Variants in DOCK9 observed in about 807,000 individuals in gnomAD.
DOCK9 encodes the protein dedicator of cytokinesis 9.
Under a neutral mutation model 263.3 loss-of-function variants are expected in DOCK9, and 89 were observed. The ratio of observed to expected loss-of-function variants is 0.34; its 90% CI spans 0.28 to 0.40. The LOEUF (loss-of-function observed/expected upper bound fraction) is 0.40, where lower values mean the gene tolerates loss of function less well. Among genes scored for constraint, DOCK9 ranks in the 10% least tolerant of loss-of-function variants. The pLI is 1.00. For missense variants in DOCK9, 2,140 were observed against 2,603.4 expected, an observed-to-expected ratio of 0.82 and a Z score of 3.87; for synonymous variants, 976 against 973.1, an observed-to-expected ratio of 1.00 and a Z score of -0.06.
chr13:98,854,002 G>A lies in DOCK9; in HGVS notation c.3832-480C>T, dbSNP rs368076995. On this transcript the variant is annotated intron_variant, in intron 34 of 52. Coordinates refer to ENST00000682017, the MANE Select transcript of DOCK9 (RefSeq NM_001366683.2). The stretch of plus-strand genomic sequence containing the variant: ...GCACCCCAGAACCTGGAGCCCAGGC[G>A]CCATCACCCAGGGTGCATTATGGGG... Among the ~76,000 whole-genome samples, 133 of 152,264 alleles carry A rather than the reference G, an allele frequency of 8.7e-4. 1 individual carries two copies. The highest frequency in any genetic ancestry group is 5.4e-3 in the South Asian group (26 of 4,820).
chr13:98,943,171 C>A (rs1207304039), intron 2 of DOCK9, among the ~76,000 whole-genome samples: 1 of 152,264 alleles, frequency 6.6e-6, no homozygotes, highest in Non-Finnish European at 1.5e-5. Flanking sequence ...CCATCCAGAG[C>A]CTTACTTCAA....
intron 1 of DOCK9, among the ~76,000 whole-genome samples, chr13:99,051,403 C>T (rs149595861): frequency 5.9e-5 from 9 of 152,168 alleles, no homozygotes; most frequent in African/African-American, 1.9e-4. Context: ...ACTTCTTCAC[C>T]GAGGGCTTGG....
chr13:99,076,629 A>G (rs1174169737), intron 1 of DOCK9, among the ~76,000 whole-genome samples: 1 of 152,202 alleles, frequency 6.6e-6, no homozygotes, highest in Non-Finnish European at 1.5e-5. Context: ...TGGCAGCAGG[A>G]GGTAAACTGG....
At chr13:98,997,309 C>G (rs1881284489) in intron 1 of DOCK9, among the ~76,000 whole-genome samples, 1 of 152,222 alleles carries the variant, frequency 6.6e-6, no homozygotes, top group Non-Finnish European at 1.5e-5. Flanking sequence ...TCGCCCACCC[C>G]ACGCCCAGAG....
Position 99,056,553 on chromosome 13 carries a change from C to G in DOCK9, c.129+29670G>C, listed in dbSNP as rs117748554. On this transcript the variant is annotated intron_variant, in intron 1 of 32. Coordinates refer to the DOCK9 transcript ENST00000427887. ...CTTGGCTAAAAAACCAGCTCCCAGTCACCCAGAGCAAAGAAATGAGCAACC... is the reference window on the plus strand; with the variant it reads ...CTTGGCTAAAAAACCAGCTCCCAGTGACCCAGAGCAAAGAAATGAGCAACC... 5.3e-3 allele frequency among the ~76,000 whole-genome samples: 802 copies of G among 152,288 alleles called. 1 individual carries two copies. Among genetic ancestry groups the G allele is most frequent in the Middle Eastern group, 0.014 (4 of 294 alleles).
rs71114557 is a variant in DOCK9, at chr13:98,894,957, CAAAAAAAAAAA to C, written c.1709+2520_1709+2530del. On this transcript the variant is annotated intron_variant, in intron 15 of 52. Coordinates refer to ENST00000682017, the MANE Select transcript of DOCK9 (RefSeq NM_001366683.2). ...GATATTTAGTATCTCTACTAAAATA[CAAAAAAAAAAA>C]AAAAAAAAAAAAAAAATTAGCGGGG... Among the ~76,000 whole-genome samples the C allele has an allele frequency of 3.6e-3, 265 of 73,400 alleles. 7 individuals carry two copies. In the South Asian group the frequency reaches 0.098, roughly 27 times the overall value. 48.2% of individuals were successfully genotyped at this position (73,400 alleles called of 152,430 possible).
chr13:99,066,710 A>T (rs1180131579), intron 1 of DOCK9, among the ~76,000 whole-genome samples: 2 of 152,052 alleles, frequency 1.3e-5, no homozygotes, highest in African/African-American at 4.8e-5. Flanking sequence ...CTTAAAAGGA[A>T]ATTACCTGCA....
intron 19 of DOCK9, 51 bp from the exon 20 acceptor site, chr13:98,885,882 C>G: frequency 2.6e-6 from 4 of 1,558,152 alleles, no homozygotes; most frequent in Non-Finnish European, 3.5e-6. Context: ...CACAGAAACT[C>G]TCAGTGGAAG....
chr13:99,070,469 A>G (rs1319167008), intron 1 of DOCK9, among the ~76,000 whole-genome samples: 2 of 152,042 alleles, frequency 1.3e-5, no homozygotes, highest in African/African-American at 2.4e-5. Context: ...TTTGCTCAAC[A>G]TTGTAATTTT....
intron 1 of DOCK9, among the ~76,000 whole-genome samples, chr13:99,045,246 G>C (rs1319580446): frequency 2.0e-5 from 3 of 152,162 alleles, no homozygotes; most frequent in African/African-American, 7.2e-5. Flanking sequence ...GCTAAGATAT[G>C]GAATCAACCT....
chr13:98,834,345 T>A (rs1159192053), intron 39 of DOCK9: 1 of 152,162 alleles, frequency 6.6e-6, no homozygotes, highest in Admixed American at 6.5e-5. Flanking sequence ...CGTTAAAAAA[T>A]CAGTTTGCAG....
chr13:98,840,950 T>C (rs1015202332), intron 38 of DOCK9, among the ~76,000 whole-genome samples: 2 of 152,258 alleles, frequency 1.3e-5, no homozygotes, highest in Admixed American at 1.3e-4. Context: ...CCTAGTCTCC[T>C]AGATACCTAT....
At chr13:98,954,897 C>CAT (rs1555424718) in intron 2 of DOCK9, among the ~76,000 whole-genome samples, 182 of 149,926 alleles carry the variant, frequency 1.2e-3, no homozygotes, top group African/African-American at 4.2e-3. Context: ...CACACACACA[C>CAT]ATTTTGGCAT....
chr13:99,068,676 A>G (rs148002212), intron 1 of DOCK9, among the ~76,000 whole-genome samples: 256 of 152,280 alleles, frequency 1.7e-3, no homozygotes, highest in African/African-American at 5.7e-3. Flanking sequence ...CAGTTTAAAA[A>G]AAAAAAATCA....
chr13:98,807,573 G>GT (rs1445362193), intron 48 of DOCK9, 88 bp downstream of exon 48: 2 of 1,228,740 alleles, frequency 1.6e-6, no homozygotes, highest in Non-Finnish European at 2.1e-6. Context: ...TTTTTCTTGT[G>GT]TTTTTTTCTA....
rs372341425 is a variant in DOCK9, at chr13:98,912,151, C to T, written c.960+2177G>A. On this transcript the variant is annotated intron_variant, in intron 9 of 52. Transcript: ENST00000682017. ...CCTCCCAAAGTGCTGGGATTACAGG[C>T]ATGAGCCACTATGCCCGACCTAAAA... Among the ~76,000 whole-genome samples, 213 of 152,212 alleles carry T rather than the reference C, an allele frequency of 1.4e-3. 1 individual carries two copies. Among genetic ancestry groups the T allele is most frequent in the African/African-American group, 4.9e-3 (204 of 41,522 alleles).
At chr13:98,996,207 T>C (rs185888748) in intron 1 of DOCK9, among the ~76,000 whole-genome samples, 18 of 152,264 alleles carry the variant, frequency 1.2e-4, no homozygotes, top group African/African-American at 4.3e-4. Flanking sequence ...TGTCATCACC[T>C]AAAAAGAGGA....
At chr13:98,812,127 ATT>A (rs56880707) in intron 45 of DOCK9, among the ~76,000 whole-genome samples, 28,093 of 76,950 alleles carry the variant, frequency 0.37, 2,935 homozygotes, top group Non-Finnish European at 0.4. Context: ...AAACCACAGG[ATT>A]TTTTTTTTTT....
chr13:98,937,416 T>C (rs9554540), intron 2 of DOCK9, among the ~76,000 whole-genome samples: 25,696 of 152,180 alleles, frequency 0.17, 3,038 homozygotes, highest in East Asian at 0.43. Context: ...GATAGATAGA[T>C]AGATGATCGA....
Sources: gnomAD v4.1 joint callset for allele counts (sites outside exome capture counted in the v4.1 genomes callset) on GRCh38, gnomAD v4.1.1 for gene constraint, MANE v1.5 for transcripts, NCBI Gene and HGNC (gene_info 2026-07-23, HGNC 2026-07-21) for gene names.